The following GPHN variants were observed in gnomAD, a reference collection of about 807,000 sequenced individuals.
GPHN encodes gephyrin.
In GPHN, 17 loss-of-function variants were observed where a neutral mutation model predicts 95.5. The ratio of observed to expected loss-of-function variants is 0.18; its 90% CI spans 0.12 to 0.27. GPHN has a LOEUF of 0.27. Among genes scored for constraint, GPHN ranks in the 10% least tolerant of loss-of-function variants. The probability of loss-of-function intolerance (pLI) is 1.00; values close to 1 mark genes in which losing one functional copy is unlikely to be tolerated. For synonymous variants in GPHN, 320 were observed against 322.5 expected, an observed-to-expected ratio of 0.99 and a Z score of 0.08; for missense variants, 660 against 978.1, an observed-to-expected ratio of 0.67 and a Z score of 4.34.
chr14:67,484,584 C>A, the GPHN span, among the ~76,000 whole-genome samples: 2 of 151,958 alleles, frequency 1.3e-5, no homozygotes, highest in Admixed American at 6.6e-5. Context: ...TGTAGTCATC[C>A]GGATTCAATT....
intron 3 of GPHN, among the ~76,000 whole-genome samples, chr14:66,808,528 C>T (rs557167967): frequency 8.5e-5 from 13 of 152,314 alleles, no homozygotes; most frequent in South Asian, 4.1e-4. Context: ...AGACCAGGCG[C>T]GGTGGCTCAC....
chr14:67,646,681 G>T, the GPHN span: 2 of 1,613,572 alleles, frequency 1.2e-6, no homozygotes, highest in African/African-American at 1.3e-5. Context: ...ATCAAACCTT[G>T]TATCTCTTCT....
the GPHN span, chr14:67,692,686 A>C: frequency 7.0e-7 from 1 of 1,419,244 alleles, no homozygotes; most frequent in Non-Finnish European, 9.5e-7. Flanking sequence ...TTTAAAAAAC[A>C]CACATTTTTA....
chr14:67,574,327 T>C, the GPHN span: 3 of 1,603,992 alleles, frequency 1.9e-6, no homozygotes, highest in South Asian at 3.4e-5. The surrounding 1 kb of genome is among the most constrained non-coding windows in gnomAD (Gnocchi z 4.2). Flanking sequence ...CAGAGCCTGC[T>C]GAAGGTGCAG....
chr14:66,657,796 G>A (rs544290752), intron 1 of GPHN, among the ~76,000 whole-genome samples: 124 of 152,200 alleles, frequency 8.1e-4, no homozygotes, highest in African/African-American at 2.7e-3. Context: ...AGTGCCCCTC[G>A]TCAGCCAAGA....
the GPHN span, among the ~76,000 whole-genome samples, chr14:67,521,802 T>C: frequency 6.6e-6 from 1 of 152,186 alleles, no homozygotes; most frequent in Non-Finnish European, 1.5e-5. Context: ...AGAGCACACA[T>C]TGAAACCACA....
At chr14:67,458,250 G>A in the GPHN span, among the ~76,000 whole-genome samples, 1 of 152,130 alleles carries the variant, frequency 6.6e-6, no homozygotes. Context: ...ATGGATTTGT[G>A]GGGTGGAGCT....
chr14:67,083,537 A>T (rs1293797329), intron 11 of GPHN, among the ~76,000 whole-genome samples: 5 of 152,212 alleles, frequency 3.3e-5, no homozygotes, highest in African/African-American at 7.2e-5. Flanking sequence ...TTATCTTTAT[A>T]AATTACCCAG....
chr14:67,348,963 G>T, the GPHN span: 236 of 1,363,390 alleles, frequency 1.7e-4, 2 homozygotes, highest in Middle Eastern at 3.4e-3. Flanking sequence ...TTAAGATCTT[G>T]CTGTATAAAC....
chr14:67,473,905 G>A, the GPHN span: 1 of 1,606,018 alleles, frequency 6.2e-7, no homozygotes, highest in Non-Finnish European at 8.5e-7. This position sits in a 1 kb window ranked among gnomAD's most constrained non-coding sequence, Gnocchi z 6.5. Context: ...AGCGCCGTCA[G>A]GGGCTCGGCA....
At chr14:66,516,956 C>G (rs1381973225) in intron 1 of GPHN, among the ~76,000 whole-genome samples, 6 of 151,442 alleles carry the variant, frequency 4.0e-5, no homozygotes, top group Admixed American at 3.3e-4. Flanking sequence ...ATGGTGAAAC[C>G]CCACCTCTAC....
At chr14:67,693,018 C>G in the GPHN span, 1 of 1,614,098 alleles carries the variant, frequency 6.2e-7, no homozygotes, top group Non-Finnish European at 8.5e-7. Context: ...GGAAGCTGAA[C>G]AGTTGATGTA....
At chr14:66,939,174 C>T (rs569582884) in intron 8 of GPHN, among the ~76,000 whole-genome samples, 3 of 152,118 alleles carry the variant, frequency 2.0e-5, no homozygotes, top group Non-Finnish European at 4.4e-5. Context: ...GCAAAAAGTA[C>T]ACAAATTAGA....
At chr14:67,728,631 A>G in the GPHN span, among the ~76,000 whole-genome samples, 1 of 151,148 alleles carries the variant, frequency 6.6e-6, no homozygotes, top group Non-Finnish European at 1.5e-5. Flanking sequence ...GAAATAATAC[A>G]TTTAAAGCAT....
intron 4 of GPHN, among the ~76,000 whole-genome samples, chr14:66,873,238 C>T (rs2063517307): frequency 6.6e-6 from 1 of 152,194 alleles, no homozygotes; most frequent in South Asian, 2.1e-4. Context: ...GGCCCAGATA[C>T]TATGCTTTTC....
chr14:67,580,971 A>G, the GPHN span: 1 of 1,613,550 alleles, frequency 6.2e-7, no homozygotes, highest in Non-Finnish European at 8.5e-7. Flanking sequence ...GGAACAAGCC[A>G]TGAAGGAGCT....
At chr14:66,534,310 A>C (rs1210050202) in intron 1 of GPHN, among the ~76,000 whole-genome samples, 1 of 151,988 alleles carries the variant, frequency 6.6e-6, no homozygotes, top group African/African-American at 2.4e-5. Context: ...TTCTCCTGTC[A>C]CTCCCAAGTA....
At chr14:67,594,055 T>C in the GPHN span, 2 of 747,740 alleles carry the variant, frequency 2.7e-6, no homozygotes, top group South Asian at 3.4e-5. Context: ...TTGCTTTTAT[T>C]TGGGTTCTAA....
chr14:67,648,527 G>A, the GPHN span: 1 of 172,610 alleles, frequency 5.8e-6, no homozygotes, highest in Admixed American at 6.1e-5. Context: ...GTGCAAGGCT[G>A]TAATTTGCAC....
Sources: allele counts gnomAD v4.1 joint callset (sites outside exome capture counted in the v4.1 genomes callset), GRCh38; gene constraint gnomAD v4.1.1; non-coding constraint Gnocchi (gnomAD v3.1); transcripts MANE v1.5; gene names NCBI Gene and HGNC (gene_info 2026-07-23, HGNC 2026-07-21).